KCNIP4: variants seen among roughly 807,000 people sequenced by gnomAD.
KCNIP4 encodes the protein Kv channel-interacting protein 4.
A neutral mutation model predicts 34.0 loss-of-function variants in KCNIP4; 12 were observed. The ratio of observed to expected loss-of-function variants is 0.35; its 90% confidence interval spans 0.23 to 0.57. KCNIP4 has a LOEUF of 0.57. Among genes scored for constraint, KCNIP4 ranks in the 20% least tolerant of loss-of-function variants. KCNIP4 has a pLI of 0.83. For missense variants in KCNIP4, 238 were observed against 311.7 expected (o/e 0.76, Z 1.78); for synonymous variants, 124 against 102.2 (o/e 1.21, Z -1.29).
At chr4:21,657,600 T>C (rs998278976) in intron 1 of KCNIP4, among the ~76,000 whole-genome samples, 2 of 152,204 alleles carry the variant, frequency 1.3e-5, no homozygotes, top group African/African-American at 4.8e-5. Flanking sequence ...TAATGTTTCT[T>C]CTACTCCACA....
At chr4:20,958,577 T>C (rs1292389557) in intron 1 of KCNIP4, among the ~76,000 whole-genome samples, 3 of 152,160 alleles carry the variant, frequency 2.0e-5, no homozygotes, top group Non-Finnish European at 4.4e-5. Context: ...GCATTATACA[T>C]AGAAGAACTT....
chr4:21,145,649 T>C (rs528671079), intron 1 of KCNIP4, among the ~76,000 whole-genome samples: 10 of 152,180 alleles, frequency 6.6e-5, no homozygotes, highest in Non-Finnish European at 1.3e-4. Context: ...AAAAGGGCCC[T>C]GATTAAAGAC....
chr4:21,290,832 A>G (rs1763403223), intron 1 of KCNIP4, among the ~76,000 whole-genome samples: 1 of 152,192 alleles, frequency 6.6e-6, no homozygotes, highest in Non-Finnish European at 1.5e-5. Context: ...ATGACCTGGC[A>G]AGCAACAACT....
chr4:21,210,238 T>C (rs1325960754), intron 1 of KCNIP4, among the ~76,000 whole-genome samples: 1 of 152,222 alleles, frequency 6.6e-6, no homozygotes, highest in African/African-American at 2.4e-5. Context: ...TTACTGCCTT[T>C]ATTTTTCTTT....
chr4:21,523,820 A>G (rs887015875), intron 1 of KCNIP4, among the ~76,000 whole-genome samples: 3 of 151,902 alleles, frequency 2.0e-5, no homozygotes, highest in African/African-American at 7.3e-5. Flanking sequence ...CGATCCTCTT[A>G]CCTCAGCCTC....
Position 21,015,857 on chromosome 4 carries a change from A to G in KCNIP4, c.62-133148T>C, listed in dbSNP as rs1487039068. On this transcript the variant is annotated intron_variant, in intron 1 of 8. Transcript: ENST00000382152. ...ACAATATATACAATATATAAAATAT[A>G]TACAATATATAAAAATATATAAATA... Among the ~76,000 whole-genome samples, 4 of 141,234 alleles carry G rather than the reference A, an allele frequency of 2.8e-5. No individual in the cohort carries two copies. In the South Asian group the frequency reaches 6.4e-4, roughly 22 times the overall value. The allele number at this position is 141,234 out of a possible 152,430, so 92.7% of individuals were successfully genotyped here.
At position 21,730,838 on chromosome 4, in the gene KCNIP4, C is replaced by T. The variant is rs925619712; in HGVS notation, c.61+217733G>A. 3.3e-5 allele frequency among the ~76,000 whole-genome samples: 5 copies of T among 152,006 alleles called. No individual in the cohort carries two copies. The East Asian group carries it at 7.7e-4, about 24-fold the overall frequency. On this transcript the variant is annotated intron_variant, in intron 1 of 8. Transcript: ENST00000382152. ...AATTAAGAGTCGATTCTAGGCTGGG[C>T]GCAGTGGCTCACGCCTGTAATTCCA...
rs558731840 is a variant in KCNIP4, at chr4:20,973,468, C to A, written c.62-90759G>T. On this transcript the variant is annotated intron_variant, in intron 1 of 8. Coordinates refer to ENST00000382152, the MANE Select transcript of KCNIP4 (RefSeq NM_025221.6). ...GGCTGGTTTGATATTCTATTCAGAT[C>A]CCTAAAACTTTCTCCATATCAGCAA... 1.2e-3 allele frequency among the ~76,000 whole-genome samples: 180 copies of A among 152,242 alleles called. 1 individual carries two copies. The highest frequency in any genetic ancestry group is 3.3e-3 in the Admixed American group (50 of 15,286).
chr4:21,934,964 T>C (rs920831062), intron 1 of KCNIP4, among the ~76,000 whole-genome samples: 1 of 152,180 alleles, frequency 6.6e-6, no homozygotes, highest in African/African-American at 2.4e-5. Flanking sequence ...CCTATGTGCA[T>C]GCACATGTAC....
At chr4:21,225,788 T>A (rs1758337254) in intron 1 of KCNIP4, among the ~76,000 whole-genome samples, 1 of 152,138 alleles carries the variant, frequency 6.6e-6, no homozygotes. Context: ...TAATTTGATT[T>A]GGAAGAAGGT....
intron 1 of KCNIP4, among the ~76,000 whole-genome samples, chr4:20,996,952 T>C (rs1229206752): frequency 1.3e-5 from 2 of 152,176 alleles, no homozygotes; most frequent in East Asian, 3.8e-4. Context: ...CAGGGTTCTT[T>C]CCTCACGCAG....
intron 1 of KCNIP4, among the ~76,000 whole-genome samples, chr4:21,209,875 G>T (rs940377898): frequency 3.3e-5 from 5 of 152,078 alleles, no homozygotes; most frequent in Non-Finnish European, 1.5e-5. Context: ...TAAGTACAAA[G>T]ATCATTTAAT....
chr4:21,821,209 A>T (rs4289435), intron 1 of KCNIP4, among the ~76,000 whole-genome samples: 3 of 152,162 alleles, frequency 2.0e-5, no homozygotes, highest in South Asian at 2.1e-4. Context: ...CCTGACCTGC[A>T]GGCAATTGTC....
chr4:21,333,158 A>C (rs1236530631), intron 1 of KCNIP4, among the ~76,000 whole-genome samples: 1 of 152,018 alleles, frequency 6.6e-6, no homozygotes, highest in Non-Finnish European at 1.5e-5. Context: ...CATTTTTGAT[A>C]ATTTGATTGC....
chr4:20,938,199 GTT>G (rs10715961), intron 1 of KCNIP4, among the ~76,000 whole-genome samples: 218 of 142,672 alleles, frequency 1.5e-3, no homozygotes, highest in Middle Eastern at 3.7e-3. Flanking sequence ...AATTTTGCTA[GTT>G]TTTTTTTTTT....
At chr4:20,888,771 C>T (rs556728516) in intron 1 of KCNIP4, among the ~76,000 whole-genome samples, 3 of 152,174 alleles carry the variant, frequency 2.0e-5, no homozygotes, top group African/African-American at 7.2e-5. Context: ...ACCTCAAAAT[C>T]CTTGTCTTTC....
At chr4:21,879,232 T>A (rs1726318705) in intron 1 of KCNIP4, among the ~76,000 whole-genome samples, 1 of 152,194 alleles carries the variant, frequency 6.6e-6, no homozygotes, top group Non-Finnish European at 1.5e-5. Context: ...GCTTAGATCC[T>A]TGTCATAAGG....
At chr4:21,608,023 A>G (rs1743850910) in intron 1 of KCNIP4, among the ~76,000 whole-genome samples, 1 of 152,088 alleles carries the variant, frequency 6.6e-6, no homozygotes, top group Admixed American at 6.6e-5. Flanking sequence ...CCCGGATGCT[A>G]AGGCTTGCCC....
At chr4:21,077,565 A>G (rs1745601955) in intron 1 of KCNIP4, among the ~76,000 whole-genome samples, 1 of 152,178 alleles carries the variant, frequency 6.6e-6, no homozygotes, top group Non-Finnish European at 1.5e-5. Flanking sequence ...GTTAAACTCC[A>G]GATTTGTTAC....
Sources: gnomAD v4.1 joint callset for allele counts (sites outside exome capture counted in the v4.1 genomes callset) on GRCh38, gnomAD v4.1.1 for gene constraint, MANE v1.5 for transcripts, NCBI Gene and HGNC (gene_info 2026-07-23, HGNC 2026-07-21) for gene names.